Variants in AMMECR1L observed in about 807,000 individuals in gnomAD.
AMMECR1L encodes AMMECR1 like.
AMMECR1L carries 4 observed loss-of-function variants against 36.8 expected under a neutral mutation model. That is an observed-to-expected ratio of 0.11 (90% confidence interval 0.05 to 0.25). The LOEUF (loss-of-function observed/expected upper bound fraction) is 0.25. AMMECR1L is among the 10% of genes least tolerant of loss of function. The pLI, the probability that AMMECR1L is intolerant of heterozygous loss-of-function variation, is 1.00. For missense variants in AMMECR1L, 232 were observed against 392.1 expected (o/e 0.59, Z 3.45); for synonymous variants, 147 against 148.0 (o/e 0.99, Z 0.05).
In AMMECR1L at chr2:127,864,966, A is replaced by T; in HGVS notation, c.*128T>A. 1.5e-6 allele frequency: 1 copy of T among 668,378 alleles called. No individual in the cohort carries two copies. Among genetic ancestry groups the T allele is most frequent in the East Asian group, 2.8e-5 (1 of 35,244 alleles). 41.4% of individuals were successfully genotyped at this position (668,378 alleles called of 1,614,324 possible). A position where few individuals can be genotyped will look rare whatever the true frequency, so the allele number is the denominator to read the frequency against. Reference sequence around the variant, plus strand: ...CAGTCAGCGGGAGGCAGACTTGGCAACGGAAGCTAGCATCATAAAATGGTG... The same window carrying T: ...CAGTCAGCGGGAGGCAGACTTGGCATCGGAAGCTAGCATCATAAAATGGTG... On this transcript the variant is annotated 3_prime_UTR_variant, in exon 8 of 8. Transcript: ENST00000272647.
At chr2:127,881,829 A>G (rs374990968) in intron 2 of AMMECR1L, among the ~76,000 whole-genome samples, 20 of 152,348 alleles carry the variant, frequency 1.3e-4, no homozygotes, top group Middle Eastern at 3.4e-3. Context: ...CATATTATTA[A>G]CATGGGATTA....
chr2:127,884,805 C>T (rs752517117), intron 1 of AMMECR1L: 2 of 152,278 alleles, frequency 1.3e-5, no homozygotes, highest in African/African-American at 4.8e-5. Context: ...GTCACTGTTG[C>T]TAAGGGTCAT....
Position 127,874,138 on chromosome 2 carries a change from T to C in AMMECR1L, c.97A>G (p.Ser33Gly). The C allele has an allele frequency of 2.5e-6, 4 of 1,614,224 alleles. No individual in the cohort carries two copies. The highest frequency in any genetic ancestry group is 3.4e-6 in the Non-Finnish European group (4 of 1,180,048). ...ACAGTTGTGGACTGATTCCCGTGAC[T>C]GTGCGTTCCACTTCCAGATAATTTG... ...KPKLSGSGTH[S>G]HGNQSTTVPG... Residue 33 changes from serine to glycine, a missense_variant, in exon 3 of 8, where the codon AGT becomes GGT. Coordinates refer to ENST00000272647, the MANE Select transcript of AMMECR1L (RefSeq NM_001199140.2). This position sits in a 1 kb window ranked among gnomAD's most constrained non-coding sequence, Gnocchi z 5.2.
At position 127,874,377 on chromosome 2, in the gene AMMECR1L, A is replaced by AT. The variant is rs2104762729; in HGVS notation, c.-38-106dup. ...GCATTGACCAGCTAAGAGCTGTCAA[A>AT]TTCTTTCTCCCACTCAACCTCCAGG... On this transcript the variant is annotated intron_variant, in intron 2 of 7. Coordinates refer to ENST00000272647, the MANE Select transcript of AMMECR1L (RefSeq NM_001199140.2). This position sits in a 1 kb window ranked among gnomAD's most constrained non-coding sequence, Gnocchi z 5.2. 9.0e-7 allele frequency: 1 copy of AT among 1,108,470 alleles called. No individual in the cohort carries two copies. The highest frequency in any genetic ancestry group is 2.6e-5 in the East Asian group (1 of 38,050). 68.7% of individuals were successfully genotyped at this position (1,108,470 alleles called of 1,614,324 possible).
In AMMECR1L at chr2:127,864,311, G is replaced by A. The variant is rs1690588071; in HGVS notation, c.*783C>T. ...CACCTGCGTGCAGTGATGACATCAGGACCTCCTGTGGGCATCTCCATTCCA... is the reference window on the plus strand; with the variant it reads ...CACCTGCGTGCAGTGATGACATCAGAACCTCCTGTGGGCATCTCCATTCCA... On this transcript the variant is annotated 3_prime_UTR_variant, in exon 8 of 8. Coordinates refer to ENST00000272647, the MANE Select transcript of AMMECR1L (RefSeq NM_001199140.2). The A allele has an allele frequency of 6.5e-6, 1 of 152,718 alleles. No homozygotes were observed. Among genetic ancestry groups the A allele is most frequent in the Admixed American group, 6.5e-5 (1 of 15,284 alleles). The allele number at this position is 152,718 out of a possible 1,614,324, so 9.5% of individuals were successfully genotyped here.
In AMMECR1L at chr2:127,862,599, G is replaced by A. The variant is rs1030151454; in HGVS notation, c.*2495C>T. 6.5e-5 allele frequency: 10 copies of A among 153,226 alleles called. No individual in the cohort carries two copies. The highest frequency in any genetic ancestry group is 2.2e-4 in the African/African-American group (9 of 41,442). The allele number at this position is 153,226 out of a possible 1,614,324, so 9.5% of individuals were successfully genotyped here. A position where few individuals can be genotyped will look rare whatever the true frequency, so the allele number is the denominator to read the frequency against. ...GATACTGACAATGCCCATTCCTCAC[G>A]GGGCCAAATGGTTTCCCTTGGTCGA... On this transcript the variant is annotated 3_prime_UTR_variant, in exon 8 of 8. Transcript: ENST00000272647.
Position 127,873,873 on chromosome 2 carries a change from T to C in AMMECR1L, c.362A>G (p.Tyr121Cys). The change falls in exon 3 of 8, where the codon TAT becomes TGT. Residue 121 changes from tyrosine (Y) to cysteine (C), a missense_variant. Tyr to Cys is a radical substitution (Grantham distance 194). Around this residue, in one of 3 missense-constraint regions of AMMECR1L, gnomAD observed 83 missense variants for 229.5 expected, o/e 0.36. Transcript: ENST00000272647. The surrounding 1 kb of genome is among the most constrained non-coding windows in gnomAD (Gnocchi z 5.2). Reference sequence around the variant, plus strand: ...AGGAAGTCGTGGCTGTGGGAAGCCATAGAGGTGACAGTAGAGTACGTCGAA... The same window carrying C: ...AGGAAGTCGTGGCTGTGGGAAGCCACAGAGGTGACAGTAGAGTACGTCGAA... ...YCFDVLYCHL[Y>C]GFPQPRLPRF... 1.2e-6 allele frequency: 2 copies of C among 1,614,074 alleles called. No individual in the cohort carries two copies. The highest frequency in any genetic ancestry group is 1.7e-6 in the Non-Finnish European group (2 of 1,180,010).
At chr2:127,872,653 G>A (rs1408888603) in intron 3 of AMMECR1L, among the ~76,000 whole-genome samples, 1 of 152,186 alleles carries the variant, frequency 6.6e-6, no homozygotes, top group African/African-American at 2.4e-5. Context: ...AGCCAAAGCT[G>A]CAGCCCCAAA....
chr2:127,872,064 C>A (rs1265420942), intron 3 of AMMECR1L, among the ~76,000 whole-genome samples: 1 of 151,830 alleles, frequency 6.6e-6, no homozygotes, highest in African/African-American at 2.4e-5. Context: ...TGGCAGGCTC[C>A]TGTAATCTCA....
intron 6 of AMMECR1L, among the ~76,000 whole-genome samples, chr2:127,867,908 T>C (rs1033916866): frequency 2.6e-5 from 4 of 152,200 alleles, no homozygotes; most frequent in Non-Finnish European, 5.9e-5. Flanking sequence ...TTCTCACTCC[T>C]GTCACCCAGG....
intron 7 of AMMECR1L, 87 bp downstream of exon 7, chr2:127,866,813 G>T: frequency 2.3e-6 from 3 of 1,276,830 alleles, no homozygotes; most frequent in Non-Finnish European, 3.4e-6. Context: ...CATTCACAGA[G>T]AACACTTCTT....
intron 2 of AMMECR1L, among the ~76,000 whole-genome samples, chr2:127,881,748 C>A (rs141558204): frequency 3.9e-5 from 6 of 152,330 alleles, no homozygotes; most frequent in Non-Finnish European, 8.8e-5. Flanking sequence ...GCTCTGAGTG[C>A]TTACAATTTC....
At chr2:127,876,457 G>A (rs1318011834) in intron 2 of AMMECR1L, among the ~76,000 whole-genome samples, 2 of 151,948 alleles carry the variant, frequency 1.3e-5, no homozygotes, top group South Asian at 2.1e-4. Context: ...GCCACACCTG[G>A]CTTCTTTTTG....
chr2:127,871,485 C>G lies in AMMECR1L; in HGVS notation c.408-126G>C. ...AAATCCCTGTTTTTGGACTTGCCAG[C>G]TACCCGAAGGACTCTCTGCCTTTCT... On this transcript the variant is annotated intron_variant, in intron 3 of 7. Coordinates refer to ENST00000272647, the MANE Select transcript of AMMECR1L (RefSeq NM_001199140.2). The surrounding 1 kb of genome is among the most constrained non-coding windows in gnomAD (Gnocchi z 4.3). 1 of 921,328 alleles carries G rather than the reference C, an allele frequency of 1.1e-6. No homozygotes were observed. Among genetic ancestry groups the G allele is most frequent in the Non-Finnish European group, 1.6e-6 (1 of 606,694 alleles). 57.1% of individuals were successfully genotyped at this position (921,328 alleles called of 1,614,324 possible). A position where few individuals can be genotyped will look rare whatever the true frequency, so the allele number is the denominator to read the frequency against.
At position 127,874,123 on chromosome 2, in the gene AMMECR1L, A is replaced by T. The variant is rs1691118634; in HGVS notation, c.112T>A (p.Ser38Thr). ...GSGTHSHGNQ[S>T]TTVPGSSSGP... ...GAACTAGAGCCGGGGACAGTTGTGG[A>T]CTGATTCCCGTGACTGTGCGTTCCA... The change falls in exon 3 of 8, where the codon TCC becomes ACC. Residue 38 changes from serine to threonine, a missense_variant. Ser to Thr is a moderately conservative substitution (Grantham distance 58). Around this residue, in one of 3 missense-constraint regions of AMMECR1L, gnomAD observed 109 missense variants for 128.1 expected, o/e 0.85. Transcript: ENST00000272647. This position sits in a 1 kb window ranked among gnomAD's most constrained non-coding sequence, Gnocchi z 5.2. The T allele has an allele frequency of 2.5e-6, 4 of 1,614,152 alleles. No individual in the cohort carries two copies. Among genetic ancestry groups the T allele is most frequent in the Non-Finnish European group, 3.4e-6 (4 of 1,180,020 alleles).
intron 2 of AMMECR1L, among the ~76,000 whole-genome samples, chr2:127,879,732 T>C (rs1243443570): frequency 6.6e-6 from 1 of 152,148 alleles, no homozygotes; most frequent in Non-Finnish European, 1.5e-5. Flanking sequence ...CACAACTAAG[T>C]AGTTCCCGAC....
chr2:127,871,175 G>T lies in AMMECR1L; in HGVS notation c.518+74C>A. 6.7e-7 allele frequency: 1 copy of T among 1,488,892 alleles called. No individual in the cohort carries two copies. The allele number at this position is 1,488,892 out of a possible 1,614,324, so 92.2% of individuals were successfully genotyped here. ...GAGAAAGCTCAACGTACATCACTTA[G>T]AAGAAATAAAGTCAGGCAGCTATTT... On this transcript the variant is annotated intron_variant, in intron 4 of 7. Transcript: ENST00000272647. This position sits in a 1 kb window ranked among gnomAD's most constrained non-coding sequence, Gnocchi z 4.3.
rs886629282 is a variant in AMMECR1L at position 127,873,561 on chromosome 2, A to G, written c.407+267T>C. ...CATACCCACTGCCATGTGAACCAACAGAAGAGCCAAGAATGAACTCACTTG... is the reference window on the plus strand; with the variant it reads ...CATACCCACTGCCATGTGAACCAACGGAAGAGCCAAGAATGAACTCACTTG... On this transcript the variant is annotated intron_variant, in intron 3 of 7. Coordinates refer to ENST00000272647, the MANE Select transcript of AMMECR1L (RefSeq NM_001199140.2). The surrounding 1 kb of genome is among the most constrained non-coding windows in gnomAD (Gnocchi z 5.2). The G allele has an allele frequency of 8.1e-6, 8 of 985,470 alleles. No individual in the cohort carries two copies. The highest frequency in any genetic ancestry group is 6.0e-6 in the Non-Finnish European group (5 of 829,940). The allele number at this position is 985,470 out of a possible 1,614,324, so 61.0% of individuals were successfully genotyped here.
At chr2:127,876,886 G>A (rs1037542038) in intron 2 of AMMECR1L, among the ~76,000 whole-genome samples, 1 of 151,844 alleles carries the variant, frequency 6.6e-6, no homozygotes, top group Non-Finnish European at 1.5e-5. Flanking sequence ...GCATGGTGGT[G>A]CATGCCTGTA....
Sources: gnomAD v4.1 joint callset for allele counts (sites outside exome capture counted in the v4.1 genomes callset) on GRCh38, gnomAD v4.1.1 for gene constraint, gnomAD v4.1.1 regional missense constraint, Gnocchi (gnomAD v3.1) non-coding constraint, MANE v1.5 for transcripts, NCBI Gene and HGNC (gene_info 2026-07-23, HGNC 2026-07-21) for gene names.